Variants in USP24 observed in about 807,000 individuals in gnomAD.
USP24 encodes the protein ubiquitin carboxyl-terminal hydrolase 24.
A neutral mutation model predicts 361.6 loss-of-function variants in USP24; 97 were observed. That is an observed-to-expected ratio of 0.27 (90% confidence interval 0.23 to 0.32). The LOEUF (loss-of-function observed/expected upper bound fraction) is 0.32. Among genes scored for constraint, USP24 ranks in the 10% least tolerant of loss-of-function variants. The pLI is 1.00. For synonymous variants in USP24, 1,098 were observed against 1,124.6 expected (o/e 0.98, Z 0.47); for missense variants, 2,353 against 3,165.6 (o/e 0.74, Z 6.16).
chr1:55,159,820 T>G lies in USP24; in HGVS notation c.994-135A>C, dbSNP rs1173250661. 3 of 725,678 alleles carry G rather than the reference T, an allele frequency of 4.1e-6. No homozygotes were observed. In the African/African-American group the frequency reaches 5.3e-5, roughly 13 times the overall value. 45.0% of individuals were successfully genotyped at this position (725,678 alleles called of 1,614,324 possible). A position where few individuals can be genotyped will look rare whatever the true frequency, so the allele number is the denominator to read the frequency against. ...AAAATTTTCATATCAGAGCAGCTAC[T>G]AACTAGCTAATACTGCCAAATAAAC... On this transcript the variant is annotated intron_variant, in intron 8 of 67. Coordinates refer to ENST00000294383, the MANE Select transcript of USP24 (RefSeq NM_015306.3).
chr1:55,080,804 T>C (rs1241271634), intron 59 of USP24, among the ~76,000 whole-genome samples: 2 of 152,238 alleles, frequency 1.3e-5, no homozygotes, highest in Admixed American at 1.3e-4. Flanking sequence ...GGAGACAAAA[T>C]GGAAAATGCT....
rs1176337835 is a variant in USP24, at chr1:55,069,009, T to G, written c.*36A>C. On this transcript the variant is annotated 3_prime_UTR_variant, in exon 68 of 68. Coordinates refer to ENST00000294383, the MANE Select transcript of USP24 (RefSeq NM_015306.3). ...CCAAGAAGGTGCTGAGCATCCAGTA[T>G]TGTGTCTTGACTCCTCTCAGGCTGG... 21 of 1,609,294 alleles carry G rather than the reference T, an allele frequency of 1.3e-5. No homozygotes were observed. The highest frequency in any genetic ancestry group is 1.8e-5 in the Non-Finnish European group (21 of 1,175,712).
At chr1:55,081,990 G>T (rs1645157708) in intron 58 of USP24, among the ~76,000 whole-genome samples, 1 of 152,212 alleles carries the variant, frequency 6.6e-6, no homozygotes, top group Non-Finnish European at 1.5e-5. Flanking sequence ...GGATATGGAA[G>T]AGTTTGAAGT....
chr1:55,104,945 T>C (rs1645731825), intron 41 of USP24, among the ~76,000 whole-genome samples: 1 of 152,228 alleles, frequency 6.6e-6, no homozygotes, highest in Non-Finnish European at 1.5e-5. Context: ...AAAGAGTTTC[T>C]GTGTATTTTA....
At chr1:55,107,865 A>AAAAAAAAC (rs1379674224) in intron 39 of USP24, among the ~76,000 whole-genome samples, 11 of 147,046 alleles carry the variant, frequency 7.5e-5, no homozygotes, top group East Asian at 3.9e-4. Context: ...AAAAAAAAAA[A>AAAAAAAAC]ACACACAAAA....
chr1:55,108,538 A>G (rs905627589), intron 39 of USP24, among the ~76,000 whole-genome samples: 2 of 152,234 alleles, frequency 1.3e-5, no homozygotes. Flanking sequence ...GGTGCTGTGT[A>G]TGAAGTGCTA....
chr1:55,186,822 A>C (rs979879952), intron 1 of USP24, among the ~76,000 whole-genome samples: 10 of 152,204 alleles, frequency 6.6e-5, no homozygotes, highest in African/African-American at 2.4e-4. Context: ...GGGAAGATGA[A>C]GTAGTTCTGA....
At chr1:55,111,486 T>C (rs1489536477) in intron 38 of USP24, among the ~76,000 whole-genome samples, 1 of 152,088 alleles carries the variant, frequency 6.6e-6, no homozygotes, top group Non-Finnish European at 1.5e-5. Context: ...ACATTTATAC[T>C]GAAGAATCAT....
chr1:55,067,498 T>TAACA lies in USP24; in HGVS notation c.*1543_*1546dup, dbSNP rs1644843713. On this transcript the variant is annotated 3_prime_UTR_variant, in exon 68 of 68. Transcript: ENST00000294383. ...TGCCAACCTCCAGCAAGTCACAGAA[T>TAACA]AACAATGAAGTCTGACAGCACAGAA... 6.6e-6 allele frequency: 1 copy of TAACA among 152,268 alleles called. No homozygotes were observed. Among genetic ancestry groups the TAACA allele is most frequent in the African/African-American group, 2.4e-5 (1 of 41,442 alleles). 9.4% of individuals were successfully genotyped at this position (152,268 alleles called of 1,614,324 possible).
intron 10 of USP24, among the ~76,000 whole-genome samples, chr1:55,158,587 T>C (rs1429555914): frequency 6.6e-6 from 1 of 152,226 alleles, no homozygotes; most frequent in Non-Finnish European, 1.5e-5. Context: ...AAACCAACTG[T>C]ACCCTTAGAG....
At chr1:55,094,694 A>AT (rs1409872807) in intron 51 of USP24, among the ~76,000 whole-genome samples, 2 of 90,534 alleles carry the variant, frequency 2.2e-5, no homozygotes, top group South Asian at 5.3e-4. Context: ...TGCTGCTAAC[A>AT]TTAAAAAAAA....
At chr1:55,192,495 G>C (rs1644315547) in intron 1 of USP24, among the ~76,000 whole-genome samples, 1 of 152,198 alleles carries the variant, frequency 6.6e-6, no homozygotes, top group Non-Finnish European at 1.5e-5. Flanking sequence ...ATGACAGACT[G>C]ATCTCTTCAC....
intron 52 of USP24, among the ~76,000 whole-genome samples, chr1:55,093,268 CTTAA>C (rs1353022001): frequency 6.6e-6 from 1 of 152,210 alleles, no homozygotes; most frequent in Admixed American, 6.5e-5. Context: ...TGTCAGATGG[CTTAA>C]TTCTCTTTCT....
chr1:55,142,937 T>A (rs992546626), intron 22 of USP24, 42 bp downstream of exon 22: 29 of 1,455,116 alleles, frequency 2.0e-5, no homozygotes, highest in Non-Finnish European at 2.6e-5. Context: ...TATAATTTTC[T>A]GCTTTTTTGT....
intron 18 of USP24, 134 bp downstream of exon 18, chr1:55,147,515 C>CT (rs1647061693): frequency 1.1e-6 from 1 of 916,444 alleles, no homozygotes; most frequent in Non-Finnish European, 1.5e-6. Context: ...AGATACAAAA[C>CT]TGTTCCCTCA....
At chr1:55,177,716 T>A (rs1650133186) in intron 2 of USP24, among the ~76,000 whole-genome samples, 1 of 152,212 alleles carries the variant, frequency 6.6e-6, no homozygotes, top group Admixed American at 6.5e-5. Flanking sequence ...ACTCCAAGCT[T>A]CTGTGGAAAA....
At position 55,136,895 on chromosome 1, in the gene USP24, A is replaced by C. The variant is rs150843306; in HGVS notation, c.3201+620T>G. The stretch of plus-strand genomic sequence containing the variant: ...CATTTATTTCAGGTTAAAACTAAAA[A>C]GTGGAAGTTAGCAATGTACATACAA... On this transcript the variant is annotated intron_variant, in intron 28 of 67. Coordinates refer to ENST00000294383, the MANE Select transcript of USP24 (RefSeq NM_015306.3). Among the ~76,000 whole-genome samples the C allele has an allele frequency of 1.2e-4, 19 of 152,274 alleles. No individual in the cohort carries two copies. The East Asian group carries it at 3.7e-3, about 29-fold the overall frequency.
intron 5 of USP24, among the ~76,000 whole-genome samples, chr1:55,168,014 AAATCCATTAG>A (rs1480262528): frequency 6.6e-6 from 1 of 152,182 alleles, no homozygotes; most frequent in Admixed American, 6.6e-5. Flanking sequence ...TATGACATTT[AAATCCATTAG>A]AGAAAGTGTA....
At position 55,104,966 on chromosome 1, in the gene USP24, T is replaced by G. The variant is rs568597098; in HGVS notation, c.4881-946A>C. On this transcript the variant is annotated intron_variant, in intron 41 of 67. Coordinates refer to ENST00000294383, the MANE Select transcript of USP24 (RefSeq NM_015306.3). ...TTTCTGTGTATTTTAAATCTCTTTCTTCCTTGAAGGTTTTGGTGGGAAAAG... is the reference window on the plus strand; with the variant it reads ...TTTCTGTGTATTTTAAATCTCTTTCGTCCTTGAAGGTTTTGGTGGGAAAAG... Among the ~76,000 whole-genome samples, 130 of 152,344 alleles carry G rather than the reference T, an allele frequency of 8.5e-4. 1 individual carries two copies. The highest frequency in any genetic ancestry group is 2.9e-3 in the African/African-American group (122 of 41,574).
Sources: allele counts gnomAD v4.1 joint callset (sites outside exome capture counted in the v4.1 genomes callset), GRCh38; gene constraint gnomAD v4.1.1; transcripts MANE v1.5; gene names NCBI Gene and HGNC (gene_info 2026-07-23, HGNC 2026-07-21).